MACROD2: variants seen among roughly 807,000 people sequenced by gnomAD.
MACROD2 encodes ADP-ribose glycohydrolase MACROD2.
A neutral mutation model predicts 70.4 loss-of-function variants in MACROD2; 36 were observed. The observed-to-expected ratio is 0.51, with a 90% CI of 0.39 to 0.68. MACROD2 has a LOEUF of 0.68. Ranked by LOEUF, MACROD2 falls within the 30% of genes least tolerant of loss-of-function variation. The pLI is 0.00. For missense variants in MACROD2, 496 were observed against 538.4 expected, an observed-to-expected ratio of 0.92 and a Z score of 0.78; for synonymous variants, 172 against 178.8, an observed-to-expected ratio of 0.96 and a Z score of 0.30.
rs187292411 is a variant in MACROD2, at chr20:14,694,084, C to G, written c.418+9125C>G. On this transcript the variant is annotated intron_variant, in intron 5 of 17. Coordinates refer to ENST00000684519, the MANE Select transcript of MACROD2 (RefSeq NM_001351661.2). ...AGAGAGAGGATGCTAATGAACAAGT[C>G]ACATAAAAGCAAAGAACCTCAGATA... is the stretch of plus-strand genomic sequence containing the variant. Among the ~76,000 whole-genome samples, 1,167 of 152,148 alleles carry G rather than the reference C, an allele frequency of 7.7e-3. 6 individuals carry two copies. The highest frequency in any genetic ancestry group is 0.012 in the Non-Finnish European group (805 of 68,010).
chr20:14,127,529 G>T, intron 3 of MACROD2: 1 of 506,300 alleles, frequency 2.0e-6, no homozygotes, highest in South Asian at 3.2e-5. Flanking sequence ...TCTACTTAAG[G>T]AGAAAGCCAT....
chr20:14,228,414 T>C (rs2081766148), intron 3 of MACROD2, among the ~76,000 whole-genome samples: 1 of 151,422 alleles, frequency 6.6e-6, no homozygotes, highest in Non-Finnish European at 1.5e-5. Context: ...CTCGGCTCAC[T>C]GCAAGCTCCA....
chr20:14,327,593 A>T (rs746498865), intron 3 of MACROD2: 245 of 1,388,570 alleles, frequency 1.8e-4, no homozygotes, highest in Non-Finnish European at 2.3e-4. Context: ...ACAGAAAACA[A>T]TAAGGCCAGC....
chr20:15,460,996 ATATATATATAT>A, intron 7 of MACROD2, among the ~76,000 whole-genome samples: 1 of 79,174 alleles, frequency 1.3e-5, no homozygotes, highest in African/African-American at 5.4e-5. Flanking sequence ...ATATATATAT[ATATATATATAT>A]TTTTTTTTAA....
At position 14,757,236 on chromosome 20, in the gene MACROD2, G is replaced by C. The variant is rs576374775; in HGVS notation, c.418+72277G>C. On this transcript the variant is annotated intron_variant, in intron 5 of 17. Coordinates refer to ENST00000684519, the MANE Select transcript of MACROD2 (RefSeq NM_001351661.2). ...TAATACAAAGTTTTAGGAAAACATAGCAAATGAATAATACAGTTATGACTT... is the reference window on the plus strand; with the variant it reads ...TAATACAAAGTTTTAGGAAAACATACCAAATGAATAATACAGTTATGACTT... 2.6e-5 allele frequency among the ~76,000 whole-genome samples: 4 copies of C among 152,132 alleles called. No homozygotes were observed. In the South Asian group the frequency reaches 8.3e-4, roughly 32 times the overall value.
intron 4 of MACROD2, among the ~76,000 whole-genome samples, chr20:14,576,728 C>T (rs1980626362): frequency 6.6e-6 from 1 of 152,014 alleles, no homozygotes; most frequent in Admixed American, 6.6e-5. Context: ...AGAGGCCACC[C>T]CCTTTTAAAA....
chr20:15,709,532 T>C (rs2050593276), intron 8 of MACROD2, among the ~76,000 whole-genome samples: 1 of 152,108 alleles, frequency 6.6e-6, no homozygotes, highest in Admixed American at 6.6e-5. Flanking sequence ...CTGGGCATGA[T>C]GGCACAAGCC....
At chr20:15,264,711 C>T (rs2146052435) in intron 6 of MACROD2, among the ~76,000 whole-genome samples, 1 of 150,030 alleles carries the variant, frequency 6.7e-6, no homozygotes, top group African/African-American at 2.4e-5. Context: ...GGCATGGAGA[C>T]CTTTTAGTCT....
intron 15 of MACROD2, 150 bp downstream of exon 15, chr20:15,987,308 T>C (rs1404330848): frequency 6.1e-6 from 4 of 651,010 alleles, no homozygotes; most frequent in Non-Finnish European, 1.0e-5. Flanking sequence ...CGTTTGAAAG[T>C]AGAGTAAAAT....
intron 3 of MACROD2, among the ~76,000 whole-genome samples, chr20:14,493,097 TG>T (rs2084812605): frequency 6.6e-6 from 1 of 152,044 alleles, no homozygotes; most frequent in Admixed American, 6.6e-5. Context: ...AATACTTTTT[TG>T]TTACATCGTC....
chr20:15,511,761 T>C (rs2047503093), intron 8 of MACROD2, among the ~76,000 whole-genome samples: 1 of 152,206 alleles, frequency 6.6e-6, no homozygotes, highest in African/African-American at 2.4e-5. Context: ...AAGAGGTTGC[T>C]CAGCTTGTCA....
chr20:15,166,309 G>A (rs2076383503), intron 5 of MACROD2, among the ~76,000 whole-genome samples: 1 of 152,162 alleles, frequency 6.6e-6, no homozygotes, highest in Non-Finnish European at 1.5e-5. Flanking sequence ...TAGGTTATGA[G>A]GGTGGAGGCT....
intron 3 of MACROD2, among the ~76,000 whole-genome samples, chr20:14,145,287 C>T (rs2054930599): frequency 6.6e-6 from 1 of 152,138 alleles, no homozygotes; most frequent in Non-Finnish European, 1.5e-5. Flanking sequence ...AACCGCCCCA[C>T]CTCTTTTCTC....
At chr20:15,653,538 G>A (rs1263329134) in intron 8 of MACROD2, among the ~76,000 whole-genome samples, 1 of 152,114 alleles carries the variant, frequency 6.6e-6, no homozygotes, top group African/African-American at 2.4e-5. Context: ...CATCTGGTTG[G>A]CTCAGTCATA....
intron 3 of MACROD2, among the ~76,000 whole-genome samples, chr20:14,321,196 C>G (rs1293846942): frequency 6.6e-6 from 1 of 152,010 alleles, no homozygotes; most frequent in Non-Finnish European, 1.5e-5. Flanking sequence ...GAAACCCCGT[C>G]TCTACTAAAA....
At chr20:15,627,815 G>A (rs1049461936) in intron 8 of MACROD2, among the ~76,000 whole-genome samples, 2 of 152,192 alleles carry the variant, frequency 1.3e-5, no homozygotes, top group Non-Finnish European at 2.9e-5. Context: ...CTTTACAAAG[G>A]TGATTGAATT....
At chr20:14,663,133 C>A (rs1476651212) in intron 4 of MACROD2, among the ~76,000 whole-genome samples, 2 of 151,942 alleles carry the variant, frequency 1.3e-5, no homozygotes, top group African/African-American at 4.8e-5. Flanking sequence ...ATATATATAC[C>A]ATGGAATACT....
chr20:15,271,574 C>A (rs2146068427), intron 6 of MACROD2, among the ~76,000 whole-genome samples: 1 of 152,304 alleles, frequency 6.6e-6, no homozygotes, highest in Admixed American at 6.5e-5. Context: ...GTTGAATAAG[C>A]AATTATACGT....
At chr20:14,146,063 C>G (rs1292592389) in intron 3 of MACROD2, among the ~76,000 whole-genome samples, 2 of 152,192 alleles carry the variant, frequency 1.3e-5, no homozygotes, top group Non-Finnish European at 2.9e-5. Context: ...TGGCTCACGC[C>G]TGTAATCCCA....
Sources: gnomAD v4.1 joint callset for allele counts (sites outside exome capture counted in the v4.1 genomes callset) on GRCh38, gnomAD v4.1.1 for gene constraint, MANE v1.5 for transcripts, NCBI Gene and HGNC (gene_info 2026-07-23, HGNC 2026-07-21) for gene names.